EVA1C: variants seen among roughly 807,000 people sequenced by gnomAD.
EVA1C encodes eva-1 homolog C.
Under a neutral mutation model 45.4 loss-of-function variants are expected in EVA1C, and 25 were observed. The observed-to-expected ratio is 0.55, with a 90% CI of 0.40 to 0.77. The LOEUF is 0.77. Among genes scored for constraint, EVA1C ranks in the 30% least tolerant of loss-of-function variants. EVA1C has a pLI of 0.00. For synonymous variants in EVA1C, 190 were observed against 221.2 expected (o/e 0.86, Z 1.25); for missense variants, 479 against 554.8 (o/e 0.86, Z 1.37).
chr21:32,514,675 G>A, intron 7 of EVA1C, 139 bp from the exon 8 acceptor site: 1 of 989,248 alleles, frequency 1.0e-6, no homozygotes, highest in Non-Finnish European at 1.4e-6. Flanking sequence ...GATTATTTTG[G>A]TGTAGACAGT....
chr21:32,511,540 G>A (rs967222201), intron 7 of EVA1C, among the ~76,000 whole-genome samples: 1 of 152,026 alleles, frequency 6.6e-6, no homozygotes, highest in South Asian at 2.1e-4. Flanking sequence ...CATGACATGA[G>A]CCAGCATTTG....
intron 1 of EVA1C, among the ~76,000 whole-genome samples, chr21:32,434,428 A>G (rs2034846065): frequency 6.6e-6 from 1 of 150,914 alleles, no homozygotes; most frequent in Non-Finnish European, 1.5e-5. Flanking sequence ...CGTCTCTACT[A>G]AAAATACAAA....
Position 32,495,182 on chromosome 21 carries a change from C to T in EVA1C, c.778+12C>T, listed in dbSNP as rs750893143. On this transcript the variant is annotated intron_variant, in intron 5 of 7. Coordinates refer to ENST00000300255, the MANE Select transcript of EVA1C (RefSeq NM_058187.5). ...GACCTACGCATGTGGTAAGAACACACCCCCGACCAGCTGCCTGATGACACT... is the reference window on the plus strand; with the variant it reads ...GACCTACGCATGTGGTAAGAACACATCCCCGACCAGCTGCCTGATGACACT... 4 of 1,612,460 alleles carry T rather than the reference C, an allele frequency of 2.5e-6. No homozygotes were observed. The highest frequency in any genetic ancestry group is 4.5e-5 in the East Asian group (2 of 44,852).
At chr21:32,466,587 TAAAC>T (rs888882167) in intron 3 of EVA1C, among the ~76,000 whole-genome samples, 21 of 152,218 alleles carry the variant, frequency 1.4e-4, no homozygotes, top group African/African-American at 4.1e-4. Flanking sequence ...ATAAGCAGAT[TAAAC>T]AAACAAACAA....
chr21:32,485,096 C>T (rs1849594948), intron 4 of EVA1C, among the ~76,000 whole-genome samples: 1 of 152,170 alleles, frequency 6.6e-6, no homozygotes. Flanking sequence ...CCTCCCCTGA[C>T]TGTCCACCCT....
At chr21:32,496,926 T>C in intron 5 of EVA1C, 1 of 1,304,830 alleles carries the variant, frequency 7.7e-7, no homozygotes. Context: ...ACTTGGCATT[T>C]GAAGGTGCAA....
intron 4 of EVA1C, among the ~76,000 whole-genome samples, chr21:32,477,589 T>C (rs2036610628): frequency 6.6e-6 from 1 of 151,876 alleles, no homozygotes. Flanking sequence ...TGATTGTTGG[T>C]GGGAAACGTG....
intron 4 of EVA1C, among the ~76,000 whole-genome samples, chr21:32,471,643 T>C (rs1384871467): frequency 6.7e-6 from 1 of 149,944 alleles, no homozygotes; most frequent in East Asian, 2.0e-4. Context: ...CCTTTTTTTT[T>C]TTTTAGACGG....
chr21:32,416,941 G>T (rs151195713), intron 1 of EVA1C, among the ~76,000 whole-genome samples: 2 of 152,274 alleles, frequency 1.3e-5, no homozygotes, highest in East Asian at 3.9e-4. Context: ...TCAAACAAAG[G>T]TCACTCTATA....
At chr21:32,477,752 G>A (rs1254914304) in intron 4 of EVA1C, among the ~76,000 whole-genome samples, 1 of 3,270 alleles carries the variant, frequency 3.1e-4, no homozygotes, top group Non-Finnish European at 5.6e-4. Flanking sequence ...CCCCTCCCCC[G>A]TACGCCCTCC....
At chr21:32,416,181 T>C (rs1298427094) in intron 1 of EVA1C, among the ~76,000 whole-genome samples, 1 of 151,984 alleles carries the variant, frequency 6.6e-6, no homozygotes, top group Non-Finnish European at 1.5e-5. Context: ...ATTTAGTTTG[T>C]GATGGTCCCT....
intron 1 of EVA1C, among the ~76,000 whole-genome samples, chr21:32,418,914 C>A (rs1170259516): frequency 6.6e-6 from 1 of 152,064 alleles, no homozygotes; most frequent in Non-Finnish European, 1.5e-5. Flanking sequence ...ACAAAGTGGT[C>A]CAGTGGGGTA....
At chr21:32,511,345 G>A (rs1285563517) in intron 7 of EVA1C, among the ~76,000 whole-genome samples, 9 of 150,378 alleles carry the variant, frequency 6.0e-5, no homozygotes, top group African/African-American at 2.2e-4. Context: ...ACCTGGGGTG[G>A]GGGGCGGAGG....
At chr21:32,512,215 G>C (rs1028226473) in intron 7 of EVA1C, among the ~76,000 whole-genome samples, 1 of 152,132 alleles carries the variant, frequency 6.6e-6, no homozygotes, top group Non-Finnish European at 1.5e-5. Context: ...TCCTATACGG[G>C]TGTGCATTCA....
At chr21:32,428,437 G>A (rs780976490) in intron 1 of EVA1C, 7 of 152,188 alleles carry the variant, frequency 4.6e-5, no homozygotes, top group Non-Finnish European at 8.8e-5. Context: ...GCACTGCCTG[G>A]GTCTGTTACT....
chr21:32,505,813 G>A (rs1475407336), intron 7 of EVA1C, among the ~76,000 whole-genome samples: 1 of 152,098 alleles, frequency 6.6e-6, no homozygotes, highest in Non-Finnish European at 1.5e-5. Context: ...ATCAGATTAG[G>A]ATTCCCCCCT....
chr21:32,445,102 C>A (rs1337672332), intron 1 of EVA1C, among the ~76,000 whole-genome samples: 1 of 151,990 alleles, frequency 6.6e-6, no homozygotes, highest in Non-Finnish European at 1.5e-5. Context: ...ATTTTGAGGG[C>A]TTCAATATTT....
At position 32,460,169 on chromosome 21, in the gene EVA1C, G is replaced by A. The variant is rs111831955; in HGVS notation, c.481+2449G>A. On this transcript the variant is annotated intron_variant, in intron 3 of 7. Coordinates refer to ENST00000300255, the MANE Select transcript of EVA1C (RefSeq NM_058187.5). ...CTCACATCCCACAGAGATTCCCTGA[G>A]TGGCGGTTCTATCGTGGGTGGTGTC... Among the ~76,000 whole-genome samples the A allele has an allele frequency of 2.8e-4, 42 of 152,272 alleles. 1 individual carries two copies. The highest frequency in any genetic ancestry group is 9.6e-4 in the African/African-American group (40 of 41,558).
intron 1 of EVA1C, among the ~76,000 whole-genome samples, chr21:32,446,978 G>T (rs114601363): frequency 6.6e-6 from 1 of 152,078 alleles, no homozygotes; most frequent in African/African-American, 2.4e-5. Flanking sequence ...GGTCCCTTGC[G>T]CCCCTCCCCT....
Sources: allele counts gnomAD v4.1 joint callset (sites outside exome capture counted in the v4.1 genomes callset), GRCh38; gene constraint gnomAD v4.1.1; transcripts MANE v1.5; gene names NCBI Gene and HGNC (gene_info 2026-07-23, HGNC 2026-07-21).